SPTBN1: variants seen among roughly 807,000 people sequenced by gnomAD.
SPTBN1 encodes spectrin beta chain, non-erythrocytic 1.
SPTBN1 carries 32 observed loss-of-function variants against 266.4 expected under a neutral mutation model. The observed-to-expected ratio is 0.12, with a 90% CI of 0.09 to 0.16. SPTBN1 has a LOEUF of 0.16. Ranked by LOEUF, SPTBN1 falls within the 10% of genes least tolerant of loss-of-function variation. SPTBN1 has a pLI of 1.00. For missense variants in SPTBN1, 2,296 were observed against 3,067.1 expected (o/e 0.75, Z 5.94); for synonymous variants, 1,336 against 1,162.2 (o/e 1.15, Z -3.04).
At chr2:54,493,423 G>C (rs1210692041) in intron 1 of SPTBN1, among the ~76,000 whole-genome samples, 1 of 147,160 alleles carries the variant, frequency 6.8e-6, no homozygotes, top group African/African-American at 2.5e-5. Context: ...GGGGGGTTGG[G>C]GGAGACAGTC....
At chr2:54,521,114 T>C (rs942005755) in intron 1 of SPTBN1, among the ~76,000 whole-genome samples, 2 of 152,176 alleles carry the variant, frequency 1.3e-5, no homozygotes, top group Non-Finnish European at 2.9e-5. Context: ...GGGACACCTG[T>C]ATGTGTGATA....
chr2:54,632,447 A>C (rs1345010044), intron 16 of SPTBN1, 119 bp from the exon 17 acceptor site: 20 of 1,078,940 alleles, frequency 1.9e-5, no homozygotes, highest in Non-Finnish European at 2.6e-5. Flanking sequence ...ATGTGATTTA[A>C]TTATTTCATG....
At chr2:54,581,097 T>TA (rs904355825) in intron 2 of SPTBN1, among the ~76,000 whole-genome samples, 55 of 150,268 alleles carry the variant, frequency 3.7e-4, no homozygotes, top group East Asian at 3.3e-3. Flanking sequence ...GACTTAGTCT[T>TA]AAAAAAAAAG....
intron 32 of SPTBN1, chr2:54,660,661 C>T: frequency 3.0e-6 from 3 of 985,486 alleles, no homozygotes; most frequent in Non-Finnish European, 3.6e-6. Context: ...CACACAATCT[C>T]ATACATTTTG....
intron 32 of SPTBN1, chr2:54,660,472 T>G: frequency 2.0e-6 from 2 of 993,952 alleles, no homozygotes; most frequent in Non-Finnish European, 2.4e-6. Context: ...TTTACAGATG[T>G]TATTAACCTA....
chr2:54,573,471 C>T (rs1573444811), intron 2 of SPTBN1, among the ~76,000 whole-genome samples: 1 of 152,224 alleles, frequency 6.6e-6, no homozygotes, highest in Non-Finnish European at 1.5e-5. Context: ...CCATCCACCA[C>T]TCACCTCCTG....
intron 35 of SPTBN1, among the ~76,000 whole-genome samples, chr2:54,668,047 TTA>T (rs1681484028): frequency 6.6e-6 from 1 of 152,150 alleles, no homozygotes; most frequent in Admixed American, 6.5e-5. Context: ...CTGTAATGCT[TTA>T]AATGTGAAAA....
chr2:54,566,504 T>C lies in SPTBN1; in HGVS notation c.149-32588T>C, dbSNP rs535279471. On this transcript the variant is annotated intron_variant, in intron 2 of 35. Transcript: ENST00000356805. ...CGCCTGGCCCCTGTAAGCATGTTTTTCAAATGTTTAATATTCTCTGCTGCA... is the reference window on the plus strand; with the variant it reads ...CGCCTGGCCCCTGTAAGCATGTTTTCCAAATGTTTAATATTCTCTGCTGCA... 1.8e-4 allele frequency among the ~76,000 whole-genome samples: 28 copies of C among 152,270 alleles called. No homozygotes were observed. In the South Asian group the frequency reaches 5.6e-3, roughly 30 times the overall value.
intron 2 of SPTBN1, among the ~76,000 whole-genome samples, chr2:54,566,486 C>A (rs1411250525): frequency 6.6e-6 from 1 of 152,080 alleles, no homozygotes; most frequent in East Asian, 1.9e-4. Flanking sequence ...CTGCGCCTGG[C>A]CCCTGTAAGC....
At chr2:54,550,882 G>T (rs1672527801) in intron 2 of SPTBN1, among the ~76,000 whole-genome samples, 1 of 152,196 alleles carries the variant, frequency 6.6e-6, no homozygotes, top group African/African-American at 2.4e-5. Context: ...CTGAGAACGT[G>T]TCAGATGAGT....
intron 30 of SPTBN1, 121 bp downstream of exon 30, chr2:54,658,167 AGTG>A: frequency 7.9e-7 from 1 of 1,261,178 alleles, no homozygotes; most frequent in South Asian, 1.5e-5. Flanking sequence ...TTTTTCAAGT[AGTG>A]AAGATCATCT....
chr2:54,626,269 G>T lies in SPTBN1; in HGVS notation c.1644+35G>T. On this transcript the variant is annotated intron_variant, in intron 12 of 35. Transcript: ENST00000356805. The surrounding 1 kb of genome is among the most constrained non-coding windows in gnomAD (Gnocchi z 4.7). Reference sequence around the variant, plus strand: ...GACCGAAAGGAAGGACGACAGAGCTGATCCAACCAGGGCTCTCTTTTCTGT... The same window carrying T: ...GACCGAAAGGAAGGACGACAGAGCTTATCCAACCAGGGCTCTCTTTTCTGT... 1 of 1,588,868 alleles carries T rather than the reference G, an allele frequency of 6.3e-7. No homozygotes were observed. Among genetic ancestry groups the T allele is most frequent in the Non-Finnish European group, 8.6e-7 (1 of 1,165,616 alleles).
intron 1 of SPTBN1, among the ~76,000 whole-genome samples, chr2:54,522,677 A>AGAGAGGAG (rs1553439421): frequency 1.5e-5 from 1 of 67,368 alleles, no homozygotes; most frequent in Non-Finnish European, 3.4e-5. Flanking sequence ...AGAGAGAGAG[A>AGAGAGGAG]GGAGAGAGAG....
At position 54,628,922 on chromosome 2, in the gene SPTBN1, A is replaced by T; in HGVS notation, c.1799-11A>T. Reference sequence around the variant, plus strand: ...CTCACACAGCCACGTTCCTTCCTTGATGTTAAACAGGTTACAAGCCCTGTG... The same window carrying T: ...CTCACACAGCCACGTTCCTTCCTTGTTGTTAAACAGGTTACAAGCCCTGTG... On this transcript the variant is annotated splice_polypyrimidine_tract_variant and intron_variant, in intron 13 of 35. Transcript: ENST00000356805. This position sits in a 1 kb window ranked among gnomAD's most constrained non-coding sequence, Gnocchi z 4.3. 6.4e-7 allele frequency: 1 copy of T among 1,573,606 alleles called. No homozygotes were observed. The highest frequency in any genetic ancestry group is 8.6e-7 in the Non-Finnish European group (1 of 1,160,260).
Position 54,649,636 on chromosome 2 carries a change from G to A in SPTBN1, c.5224G>A (p.Glu1742Lys). Residue 1742 changes from glutamate (E) to lysine (K), a missense_variant, in exon 26 of 36, where the codon GAG (glutamate) becomes AAG (lysine). Coordinates refer to ENST00000356805, the MANE Select transcript of SPTBN1 (RefSeq NM_003128.3). This position sits in a 1 kb window ranked among gnomAD's most constrained non-coding sequence, Gnocchi z 6.7. ...TCAGATGTTACAAGAACGATTCCGGGAGTTTGCCCGAGACACCGGGAACAT... is the reference window on the plus strand; with the variant it reads ...TCAGATGTTACAAGAACGATTCCGGAAGTTTGCCCGAGACACCGGGAACAT... Reference protein sequence around the residue: ...HVTMLQERFREFARDTGNIGQ... With the variant: ...HVTMLQERFRKFARDTGNIGQ... 1.2e-6 allele frequency: 2 copies of A among 1,609,724 alleles called. No individual in the cohort carries two copies.
At chr2:54,482,814 C>T (rs1668166455) in intron 1 of SPTBN1, among the ~76,000 whole-genome samples, 1 of 152,174 alleles carries the variant, frequency 6.6e-6, no homozygotes, top group African/African-American at 2.4e-5. Flanking sequence ...AAGCCTGACA[C>T]AGGAAGGACA....
In SPTBN1 at chr2:54,601,820, A is replaced by C. The variant is rs994637627; in HGVS notation, c.300+2577A>C. On this transcript the variant is annotated intron_variant, in intron 3 of 35. Transcript: ENST00000356805. ...GAGGAGGAAATCTGTGAATGTGTGC[A>C]TGTGTGTTTTCTGAGTAAAGTTCAA... 6.6e-5 allele frequency among the ~76,000 whole-genome samples: 10 copies of C among 152,214 alleles called. No homozygotes were observed. The South Asian group carries it at 1.4e-3, about 22-fold the overall frequency.
chr2:54,626,048 G>T lies in SPTBN1; in HGVS notation c.1458G>T (p.Arg486Ser). ...TGCAGGCTGTGGTAGCCGTGGCCAG[G>T]GAGCTCGAGGCCGAGAATTACCACG... Reference protein sequence around the residue: ...ERVQAVVAVARELEAENYHDI... With the variant: ...ERVQAVVAVASELEAENYHDI... The change falls in exon 12 of 36, where the codon AGG becomes AGT. Residue 486 changes from arginine (R) to serine (S), a missense_variant. This residue lies in a region of SPTBN1 where 434 missense variants were observed against 573.9 expected (regional missense o/e 0.76). Transcript: ENST00000356805. This position sits in a 1 kb window ranked among gnomAD's most constrained non-coding sequence, Gnocchi z 4.7. The T allele has an allele frequency of 1.9e-6, 3 of 1,614,156 alleles. No homozygotes were observed. Among genetic ancestry groups the T allele is most frequent in the Non-Finnish European group, 2.5e-6 (3 of 1,180,038 alleles).
rs201282397 is a variant in SPTBN1, at chr2:54,655,238, G to C, written c.5961+30G>C. On this transcript the variant is annotated intron_variant, in intron 28 of 35. Transcript: ENST00000356805. ...GTTGCTACTTTGCTTTGGAGCTGCAGCTGGCGTCAAGATGTAAAATGACTT... is the reference window on the plus strand; with the variant it reads ...GTTGCTACTTTGCTTTGGAGCTGCACCTGGCGTCAAGATGTAAAATGACTT... 28 of 1,607,182 alleles carry C rather than the reference G, an allele frequency of 1.7e-5. No homozygotes were observed. The East Asian group carries it at 5.8e-4, about 33-fold the overall frequency.
Sources: gnomAD v4.1 joint callset for allele counts (sites outside exome capture counted in the v4.1 genomes callset) on GRCh38, gnomAD v4.1.1 for gene constraint, gnomAD v4.1.1 regional missense constraint, Gnocchi (gnomAD v3.1) non-coding constraint, MANE v1.5 for transcripts, NCBI Gene and HGNC (gene_info 2026-07-23, HGNC 2026-07-21) for gene names.